Variants in AGFG1 observed in about 807,000 individuals in gnomAD.
The protein encoded by AGFG1 is arf-GAP domain and FG repeat-containing protein 1.
Under a neutral mutation model 60.6 loss-of-function variants are expected in AGFG1, and 10 were observed. That is an observed-to-expected ratio of 0.16 (90% CI 0.10 to 0.28). The LOEUF is 0.28. Among genes scored for constraint, AGFG1 ranks in the 10% least tolerant of loss-of-function variants. The pLI is 1.00. For synonymous variants in AGFG1, 247 were observed against 242.9 expected (o/e 1.02, Z -0.16); for missense variants, 537 against 676.5 (o/e 0.79, Z 2.29).
At chr2:227,545,920 AGT>A (rs1359037271) in intron 10 of AGFG1, among the ~76,000 whole-genome samples, 1 of 152,176 alleles carries the variant, frequency 6.6e-6, no homozygotes, top group East Asian at 1.9e-4. Context: ...GGTGTCTCCC[AGT>A]TAGGCTACTG....
intron 2 of AGFG1, among the ~76,000 whole-genome samples, chr2:227,511,859 A>G (rs1286281084): frequency 6.6e-6 from 1 of 152,152 alleles, no homozygotes; most frequent in Middle Eastern, 3.2e-3. Context: ...GCGATTTGGT[A>G]GAGGGATTAT....
chr2:227,532,285 T>C (rs548938768), intron 6 of AGFG1: 8 of 1,108,372 alleles, frequency 7.2e-6, no homozygotes, highest in African/African-American at 4.9e-5. Flanking sequence ...TTTCCAGTTA[T>C]AGATTGTTAA....
intron 2 of AGFG1, among the ~76,000 whole-genome samples, chr2:227,499,606 C>T (rs1395254100): frequency 6.7e-6 from 1 of 150,364 alleles, no homozygotes; most frequent in Non-Finnish European, 1.5e-5. Flanking sequence ...CACCACTGTA[C>T]TCCAGCCTGG....
At chr2:227,548,124 G>A (rs979457366) in intron 10 of AGFG1, among the ~76,000 whole-genome samples, 2 of 152,222 alleles carry the variant, frequency 1.3e-5, no homozygotes, top group East Asian at 1.9e-4. Flanking sequence ...TGTATGAAAT[G>A]TCCAGAATTG....
intron 2 of AGFG1, among the ~76,000 whole-genome samples, chr2:227,504,453 A>G (rs1399940078): frequency 6.6e-6 from 1 of 152,214 alleles, no homozygotes; most frequent in African/African-American, 2.4e-5. Context: ...TTGGCCTCCC[A>G]GAGTGCTGGG....
intron 3 of AGFG1, among the ~76,000 whole-genome samples, chr2:227,520,887 G>A (rs1269352702): frequency 6.6e-6 from 1 of 152,162 alleles, no homozygotes; most frequent in Non-Finnish European, 1.5e-5. Context: ...CGAGCTTCTT[G>A]TTTGCTTGAG....
At chr2:227,553,635 T>C (rs1692888121) in intron 11 of AGFG1, 69 bp from the exon 12 acceptor site, 4 of 1,281,958 alleles carry the variant, frequency 3.1e-6, no homozygotes, top group Non-Finnish European at 4.5e-6. Context: ...AAAGTTATTA[T>C]GAGGCTTTAT....
At chr2:227,538,451 C>T (rs990799306) in intron 10 of AGFG1, among the ~76,000 whole-genome samples, 14 of 152,288 alleles carry the variant, frequency 9.2e-5, no homozygotes, top group African/African-American at 3.4e-4. Context: ...AAGTTGTTCA[C>T]AAGATGCTAT....
chr2:227,551,813 C>T lies in AGFG1; in HGVS notation c.1379-146C>T, dbSNP rs1575120221. Reference sequence around the variant, plus strand: ...ACTGTGTAGCACTAAAACTCATTAACTTTGTTGGAATTTTGGAATTAACCC... The same window carrying T: ...ACTGTGTAGCACTAAAACTCATTAATTTTGTTGGAATTTTGGAATTAACCC... On this transcript the variant is annotated intron_variant, in intron 10 of 12. Transcript: ENST00000310078. The T allele has an allele frequency of 5.3e-6, 5 of 946,772 alleles. No homozygotes were observed. In the South Asian group the frequency reaches 9.3e-5, roughly 18 times the overall value. The allele number at this position is 946,772 out of a possible 1,614,324, so 58.6% of individuals were successfully genotyped here. A position where few individuals can be genotyped will look rare whatever the true frequency, so the allele number is the denominator to read the frequency against.
At chr2:227,527,467 C>G (rs1341520218) in intron 5 of AGFG1, among the ~76,000 whole-genome samples, 1 of 152,108 alleles carries the variant, frequency 6.6e-6, no homozygotes, top group African/African-American at 2.4e-5. Flanking sequence ...ATGTTTCAGT[C>G]TTAGTTAAGA....
chr2:227,537,471 C>T (rs1324921853), intron 10 of AGFG1, among the ~76,000 whole-genome samples: 1 of 152,124 alleles, frequency 6.6e-6, no homozygotes, highest in Admixed American at 6.5e-5. Flanking sequence ...GTGAATATCT[C>T]TTTCAGGTGT....
intron 6 of AGFG1, among the ~76,000 whole-genome samples, chr2:227,532,801 G>C (rs1692201227): frequency 6.6e-6 from 1 of 152,070 alleles, no homozygotes; most frequent in Admixed American, 6.5e-5. Flanking sequence ...TTAGTCTTTT[G>C]ATAGTACTTT....
chr2:227,486,292 C>T (rs1443330354), intron 1 of AGFG1, among the ~76,000 whole-genome samples: 2 of 152,000 alleles, frequency 1.3e-5, no homozygotes, highest in East Asian at 1.9e-4. Context: ...ATTTCCCTTT[C>T]TGAAAAGTTC....
chr2:227,519,024 A>T (rs1054452128), intron 2 of AGFG1, among the ~76,000 whole-genome samples: 3 of 152,176 alleles, frequency 2.0e-5, no homozygotes, highest in African/African-American at 7.2e-5. Context: ...AATACAAAAA[A>T]TTAGCCACCT....
At chr2:227,477,441 T>C (rs1186343075) in intron 1 of AGFG1, among the ~76,000 whole-genome samples, 1 of 152,220 alleles carries the variant, frequency 6.6e-6, no homozygotes, top group African/African-American at 2.4e-5. Context: ...GTTTTGCTGT[T>C]ATAACCTGCT....
chr2:227,523,963 A>G, intron 4 of AGFG1, 38 bp downstream of exon 4: 1 of 1,569,906 alleles, frequency 6.4e-7, no homozygotes, highest in South Asian at 1.2e-5. Context: ...AATTCGACTT[A>G]AAGAGGGCTT....
intron 2 of AGFG1, among the ~76,000 whole-genome samples, chr2:227,501,759 T>A (rs1427635116): frequency 6.6e-6 from 1 of 152,216 alleles, no homozygotes; most frequent in African/African-American, 2.4e-5. Flanking sequence ...CATTTTTTTA[T>A]TTTTAGTAGA....
In AGFG1 at chr2:227,554,358, A is replaced by C. The variant is rs986915280; in HGVS notation, c.1630-78A>C. 4 of 1,209,058 alleles carry C rather than the reference A, an allele frequency of 3.3e-6. No homozygotes were observed. The African/African-American group carries it at 6.2e-5, about 19-fold the overall frequency. 74.9% of individuals were successfully genotyped at this position (1,209,058 alleles called of 1,614,324 possible). A position where few individuals can be genotyped will look rare whatever the true frequency, so the allele number is the denominator to read the frequency against. On this transcript the variant is annotated intron_variant, in intron 12 of 12. Transcript: ENST00000310078. ...CCAAAAAGTCTAATTAAAAAAATTA[A>C]ATTCAGTTTAATGTTTTTATATTTT... is the stretch of plus-strand genomic sequence containing the variant.
chr2:227,491,487 T>C, intron 1 of AGFG1, 60 bp from the exon 2 acceptor site: 1 of 1,023,270 alleles, frequency 9.8e-7, no homozygotes, highest in Non-Finnish European at 1.4e-6. Flanking sequence ...AATTACTAGA[T>C]GTGTCATTTT....
Sources: gnomAD v4.1 joint callset for allele counts (sites outside exome capture counted in the v4.1 genomes callset) on GRCh38, gnomAD v4.1.1 for gene constraint, MANE v1.5 for transcripts, NCBI Gene and HGNC (gene_info 2026-07-23, HGNC 2026-07-21) for gene names.